Variants in ARID3B observed in about 807,000 individuals in gnomAD.
The protein encoded by ARID3B is AT-rich interactive domain-containing protein 3B.
A neutral mutation model predicts 51.9 loss-of-function variants in ARID3B; 10 were observed. The observed-to-expected ratio is 0.19, with a 90% CI of 0.12 to 0.33. The LOEUF (loss-of-function observed/expected upper bound fraction) is 0.33, where lower values mean the gene tolerates loss of function less well. Among genes scored for constraint, ARID3B ranks in the 10% least tolerant of loss-of-function variants. The probability of loss-of-function intolerance (pLI) is 1.00; values close to 1 mark genes in which losing one functional copy is unlikely to be tolerated. For missense variants in ARID3B, 483 were observed against 716.3 expected (o/e 0.67, Z 3.72); for synonymous variants, 205 against 279.5 (o/e 0.73, Z 2.66).
At position 74,597,217 on chromosome 15, in the gene ARID3B, C is replaced by G. The variant is rs1165386460; in HGVS notation, c.*1443C>G. On this transcript the variant is annotated 3_prime_UTR_variant, in exon 9 of 9. Coordinates refer to ENST00000346246, the MANE Select transcript of ARID3B (RefSeq NM_006465.4). ...GCTCCTCCTGGACCCTGCGCGGGAGCAGGCAGCTCCTGTGCTGTAAAGAAA... is the reference window on the plus strand; with the variant it reads ...GCTCCTCCTGGACCCTGCGCGGGAGGAGGCAGCTCCTGTGCTGTAAAGAAA... 1 of 361,208 alleles carries G rather than the reference C, an allele frequency of 2.8e-6. No homozygotes were observed. Among genetic ancestry groups the G allele is most frequent in the Non-Finnish European group, 5.2e-6 (1 of 193,524 alleles). 22.4% of individuals were successfully genotyped at this position (361,208 alleles called of 1,614,324 possible).
intron 7 of ARID3B, 146 bp from the exon 8 acceptor site, chr15:74,592,992 G>A: frequency 1.6e-6 from 1 of 612,784 alleles, no homozygotes. Flanking sequence ...GGGATCTCCT[G>A]CCATACCCTA....
At chr15:74,547,193 C>G (rs2061619243) in intron 2 of ARID3B, among the ~76,000 whole-genome samples, 1 of 150,428 alleles carries the variant, frequency 6.6e-6, no homozygotes, top group Non-Finnish European at 1.5e-5. Flanking sequence ...AGAGCGCACT[C>G]TGTTGCCCAG....
At chr15:74,579,068 G>A (rs533589001) in intron 4 of ARID3B, among the ~76,000 whole-genome samples, 45 of 152,344 alleles carry the variant, frequency 3.0e-4, no homozygotes, top group Non-Finnish European at 5.9e-4. Flanking sequence ...CAGCTCTGAG[G>A]GATGCAGCAC....
intron 2 of ARID3B, among the ~76,000 whole-genome samples, chr15:74,546,911 C>G (rs2061617929): frequency 6.6e-6 from 1 of 151,922 alleles, no homozygotes; most frequent in South Asian, 2.1e-4. Context: ...TCTATAAATC[C>G]TGATTTTAAA....
intron 2 of ARID3B, among the ~76,000 whole-genome samples, chr15:74,554,780 C>G (rs2061651198): frequency 6.6e-6 from 1 of 151,826 alleles, no homozygotes; most frequent in Admixed American, 6.6e-5. Flanking sequence ...AATTTATATT[C>G]TTTTTACACT....
In ARID3B at chr15:74,565,909, T is replaced by A. The variant is rs553201473; in HGVS notation, c.553-6953T>A. Among the ~76,000 whole-genome samples, 51 of 152,146 alleles carry A rather than the reference T, an allele frequency of 3.4e-4. 1 individual carries two copies. Among genetic ancestry groups the A allele is most frequent in the Non-Finnish European group, 6.2e-4 (42 of 68,030 alleles). The stretch of plus-strand genomic sequence containing the variant: ...TTCTTCCAGGGCTGTGAGATTGGTG[T>A]TGTCACCCCACCTCACTAGGCAGTG... On this transcript the variant is annotated intron_variant, in intron 2 of 8. Transcript: ENST00000346246.
intron 4 of ARID3B, chr15:74,573,847 T>C (rs766104541): frequency 6.6e-6 from 1 of 152,438 alleles, no homozygotes; most frequent in Non-Finnish European, 1.5e-5. Context: ...GTTCAGGCAA[T>C]TCTCATGCCT....
chr15:74,558,201 G>GTTTCTTTTTTTTT (rs2061666676), intron 2 of ARID3B, among the ~76,000 whole-genome samples: 9 of 135,136 alleles, frequency 6.7e-5, no homozygotes, highest in East Asian at 4.3e-4. Flanking sequence ...TTTTTTTTGG[G>GTTTCTTTTTTTTT]TACTATTTTT....
intron 8 of ARID3B, among the ~76,000 whole-genome samples, chr15:74,594,781 A>G (rs1224320563): frequency 1.3e-5 from 2 of 152,130 alleles, no homozygotes; most frequent in Admixed American, 6.5e-5. Flanking sequence ...CAGTCATGCT[A>G]TGTCTGCAGA....
intron 2 of ARID3B, among the ~76,000 whole-genome samples, chr15:74,565,249 CAT>C (rs2061693336): frequency 6.6e-6 from 1 of 151,712 alleles, no homozygotes; most frequent in Admixed American, 6.6e-5. Context: ...ATGGAGTCTC[CAT>C]ATGTTTCCTA....
intron 4 of ARID3B, among the ~76,000 whole-genome samples, chr15:74,581,009 A>G (rs1186739004): frequency 6.6e-6 from 1 of 152,210 alleles, no homozygotes; most frequent in Non-Finnish European, 1.5e-5. Flanking sequence ...CCATCTGTCA[A>G]GGCAGGATGG....
chr15:74,573,370 T>A, intron 4 of ARID3B, 166 bp downstream of exon 4: 1 of 718,588 alleles, frequency 1.4e-6, no homozygotes. Context: ...ATAGCCAGAT[T>A]GAAGAGGACA....
intron 2 of ARID3B, among the ~76,000 whole-genome samples, chr15:74,550,647 C>T (rs766093104): frequency 3.3e-5 from 5 of 151,232 alleles, no homozygotes; most frequent in Non-Finnish European, 5.9e-5. Flanking sequence ...GCAGAACTTG[C>T]AGTAAGCTGA....
At chr15:74,590,507 G>T (rs2061799148) in intron 5 of ARID3B, among the ~76,000 whole-genome samples, 1 of 152,220 alleles carries the variant, frequency 6.6e-6, no homozygotes, top group Non-Finnish European at 1.5e-5. Flanking sequence ...CCTTGGATTG[G>T]TGACCTGGTT....
At chr15:74,593,004 A>T in intron 7 of ARID3B, 134 bp from the exon 8 acceptor site, 1 of 671,830 alleles carries the variant, frequency 1.5e-6, no homozygotes, top group South Asian at 1.9e-5. Flanking sequence ...CATACCCTAC[A>T]CTCAGGAGAA....
At chr15:74,571,963 GC>G (rs1204260659) in intron 2 of ARID3B, among the ~76,000 whole-genome samples, 4 of 152,268 alleles carry the variant, frequency 2.6e-5, no homozygotes, top group African/African-American at 7.2e-5. Context: ...ACAAAAATTA[GC>G]CGGGCGTGGT....
chr15:74,568,605 A>G (rs2061707864), intron 2 of ARID3B, among the ~76,000 whole-genome samples: 1 of 152,178 alleles, frequency 6.6e-6, no homozygotes, highest in African/African-American at 2.4e-5. Flanking sequence ...GCTTCCTGCT[A>G]CCTTTTCTCT....
intron 4 of ARID3B, among the ~76,000 whole-genome samples, chr15:74,586,145 C>T (rs2141476217): frequency 6.6e-6 from 1 of 152,348 alleles, no homozygotes; most frequent in East Asian, 1.9e-4. Flanking sequence ...CCCAAGTATG[C>T]CCTGGGTGGA....
chr15:74,581,158 T>C (rs2061760572), intron 4 of ARID3B, among the ~76,000 whole-genome samples: 1 of 152,218 alleles, frequency 6.6e-6, no homozygotes, highest in African/African-American at 2.4e-5. Flanking sequence ...AGCCCTCACT[T>C]GTAGACCTGC....
Sources: gnomAD v4.1 joint callset for allele counts (sites outside exome capture counted in the v4.1 genomes callset) on GRCh38, gnomAD v4.1.1 for gene constraint, MANE v1.5 for transcripts, NCBI Gene and HGNC (gene_info 2026-07-23, HGNC 2026-07-21) for gene names.